The following ZFPM2 variants were observed in gnomAD, a reference collection of about 807,000 sequenced individuals.
ZFPM2 encodes zinc finger protein, FOG family member 2, also known as zinc finger protein ZFPM2.
A neutral mutation model predicts 98.6 loss-of-function variants in ZFPM2; 20 were observed. That is an observed-to-expected ratio of 0.20 (90% CI 0.14 to 0.29). ZFPM2 has a LOEUF of 0.29. Ranked by LOEUF, ZFPM2 falls within the 10% of genes least tolerant of loss-of-function variation. The probability of loss-of-function intolerance (pLI) is 1.00; values close to 1 mark genes in which losing one functional copy is unlikely to be tolerated. For missense variants in ZFPM2, 1,310 were observed against 1,388.6 expected (o/e 0.94, Z 0.90); for synonymous variants, 518 against 502.7 (o/e 1.03, Z -0.41).
At chr8:105,778,706 C>T (rs1420944677) in intron 5 of ZFPM2, among the ~76,000 whole-genome samples, 1 of 152,120 alleles carries the variant, frequency 6.6e-6, no homozygotes, top group Non-Finnish European at 1.5e-5. Context: ...GCAGAAATAT[C>T]AGTCTACATC....
chr8:105,659,153 C>A (rs1170236957), intron 5 of ZFPM2, among the ~76,000 whole-genome samples: 1 of 151,924 alleles, frequency 6.6e-6, no homozygotes, highest in Non-Finnish European at 1.5e-5. Flanking sequence ...GCAGAAAGAA[C>A]AGTCTTAGAA....
chr8:105,381,300 A>G (rs1810884118), intron 1 of ZFPM2, among the ~76,000 whole-genome samples: 1 of 151,928 alleles, frequency 6.6e-6, no homozygotes, highest in Non-Finnish European at 1.5e-5. Flanking sequence ...CTGGCTGCAT[A>G]GTATTCCATG....
intron 5 of ZFPM2, among the ~76,000 whole-genome samples, chr8:105,669,255 C>G (rs6992038): frequency 0.081 from 12,359 of 151,878 alleles, 1,635 homozygotes; most frequent in African/African-American, 0.28. Context: ...TACGTAATGT[C>G]TTGTGATTTA....
At chr8:105,483,259 C>T (rs1813160355) in intron 3 of ZFPM2, among the ~76,000 whole-genome samples, 1 of 151,866 alleles carries the variant, frequency 6.6e-6, no homozygotes, top group African/African-American at 2.4e-5. Context: ...TTTATTCAGC[C>T]CTCACTGTTG....
intron 5 of ZFPM2, among the ~76,000 whole-genome samples, chr8:105,666,409 C>A (rs1171783645): frequency 6.6e-6 from 1 of 152,168 alleles, no homozygotes; most frequent in Non-Finnish European, 1.5e-5. Context: ...TGTGTGAATG[C>A]TCCCCAAAAG....
chr8:105,777,310 A>G (rs1387816569), intron 5 of ZFPM2, among the ~76,000 whole-genome samples: 1 of 152,228 alleles, frequency 6.6e-6, no homozygotes. Flanking sequence ...AAGAGCATAA[A>G]AAGTTTGCGT....
intron 5 of ZFPM2, chr8:105,787,306 G>A (rs1328152316): frequency 7.9e-5 from 12 of 152,152 alleles, no homozygotes; most frequent in Non-Finnish European, 1.6e-4. Context: ...AGATACATTC[G>A]TGAAAAGTAG....
intron 4 of ZFPM2, among the ~76,000 whole-genome samples, chr8:105,566,427 G>A (rs1308373227): frequency 6.6e-6 from 1 of 152,108 alleles, no homozygotes; most frequent in East Asian, 1.9e-4. Flanking sequence ...GACTACTGAT[G>A]AGGAAGAAAT....
chr8:105,413,514 A>T (rs1266743009), intron 1 of ZFPM2, among the ~76,000 whole-genome samples: 3 of 149,148 alleles, frequency 2.0e-5, no homozygotes, highest in Non-Finnish European at 4.5e-5. Context: ...ATATACACAC[A>T]CACACGCACA....
At chr8:105,574,658 G>A (rs1456388606) in intron 4 of ZFPM2, among the ~76,000 whole-genome samples, 4 of 152,046 alleles carry the variant, frequency 2.6e-5, no homozygotes, top group African/African-American at 7.2e-5. Flanking sequence ...GGCACGTCAC[G>A]TGCCTTAAGT....
At chr8:105,389,402 A>G (rs2129924358) in intron 1 of ZFPM2, among the ~76,000 whole-genome samples, 1 of 152,254 alleles carries the variant, frequency 6.6e-6, no homozygotes, top group African/African-American at 2.4e-5. Flanking sequence ...TCAGAGGGGG[A>G]AATAGTGTCA....
intron 5 of ZFPM2, among the ~76,000 whole-genome samples, chr8:105,751,116 C>A (rs1812465887): frequency 6.6e-6 from 1 of 152,024 alleles, no homozygotes; most frequent in Non-Finnish European, 1.5e-5. Flanking sequence ...AAATATTTTT[C>A]TACTGCTAAT....
chr8:105,634,342 A>T lies in ZFPM2; in HGVS notation c.517A>T (p.Ile173Phe), dbSNP rs1281470904. 2 of 1,611,872 alleles carry T rather than the reference A, an allele frequency of 1.2e-6. No individual in the cohort carries two copies. The highest frequency in any genetic ancestry group is 1.7e-6 in the Non-Finnish European group (2 of 1,178,986). The change falls in exon 5 of 8, where the codon ATT (isoleucine) becomes TTT (phenylalanine). Residue 173 changes from isoleucine to phenylalanine, a missense_variant. By Grantham distance (21) the Ile-to-Phe change is conservative (BLOSUM62 0). Coordinates refer to ENST00000407775, the MANE Select transcript of ZFPM2 (RefSeq NM_012082.4). ...AGTGGAAGACAACAAAAACAACTGC[A>T]TTGTGTACAGCAAAGGTAAATGCAA... ...QGVEDNKNNC[I>F]VYSKGGQLWC...
At chr8:105,549,947 A>G (rs1410562895) in intron 3 of ZFPM2, among the ~76,000 whole-genome samples, 2 of 73,652 alleles carry the variant, frequency 2.7e-5, no homozygotes, top group African/African-American at 1.6e-4. Flanking sequence ...GTAATGCATA[A>G]TATGTCATTT....
At chr8:105,452,467 T>G (rs1812503833) in intron 3 of ZFPM2, among the ~76,000 whole-genome samples, 1 of 151,824 alleles carries the variant, frequency 6.6e-6, no homozygotes, top group Non-Finnish European at 1.5e-5. Flanking sequence ...GTATGCACTG[T>G]CCAGGCATGG....
chr8:105,713,989 G>C (rs1811461566), intron 5 of ZFPM2, among the ~76,000 whole-genome samples: 1 of 151,922 alleles, frequency 6.6e-6, no homozygotes. Flanking sequence ...TTCTAATTCT[G>C]TGAAAAATGA....
intron 3 of ZFPM2, among the ~76,000 whole-genome samples, chr8:105,517,430 T>C (rs1236830653): frequency 1.3e-5 from 2 of 152,140 alleles, no homozygotes; most frequent in Non-Finnish European, 2.9e-5. Flanking sequence ...TTATATGTAT[T>C]TACAGTGGAC....
At chr8:105,619,531 T>G (rs1816489729) in intron 4 of ZFPM2, among the ~76,000 whole-genome samples, 1 of 152,082 alleles carries the variant, frequency 6.6e-6, no homozygotes, top group South Asian at 2.1e-4. Context: ...ATTTTATGAT[T>G]TTTTAATTTT....
intron 3 of ZFPM2, among the ~76,000 whole-genome samples, chr8:105,468,451 T>C (rs1268638821): frequency 6.6e-6 from 1 of 152,150 alleles, no homozygotes; most frequent in Non-Finnish European, 1.5e-5. Context: ...CTTCTCTATG[T>C]ATAACTGGCT....
Sources: gnomAD v4.1 joint callset for allele counts (sites outside exome capture counted in the v4.1 genomes callset) on GRCh38, gnomAD v4.1.1 for gene constraint, MANE v1.5 for transcripts, NCBI Gene and HGNC (gene_info 2026-07-23, HGNC 2026-07-21) for gene names.